Variants in SGCG observed in about 807,000 individuals in gnomAD.
SGCG encodes sarcoglycan gamma.
A neutral mutation model predicts 29.3 loss-of-function variants in SGCG; 26 were observed. The ratio of observed to expected loss-of-function variants is 0.89; its 90% CI spans 0.65 to 1.23. The LOEUF is 1.23. SGCG is among the 50% of genes most tolerant of loss of function. The probability of loss-of-function intolerance (pLI) is 0.00; values close to 1 mark genes in which losing one functional copy is unlikely to be tolerated. For synonymous variants in SGCG, 145 were observed against 129.7 expected (o/e 1.12, Z -0.80); for missense variants, 353 against 356.0 (o/e 0.99, Z 0.07).
At chr13:23,251,732 G>C (rs1879977448) in intron 4 of SGCG, among the ~76,000 whole-genome samples, 1 of 151,922 alleles carries the variant, frequency 6.6e-6, no homozygotes, top group Non-Finnish European at 1.5e-5. Context: ...GAGACCCTTT[G>C]TTTGAAAAAA....
intron 4 of SGCG, among the ~76,000 whole-genome samples, chr13:23,275,566 G>A (rs1045860127): frequency 6.6e-6 from 1 of 151,698 alleles, no homozygotes; most frequent in Non-Finnish European, 1.5e-5. Context: ...TTTTGCATAT[G>A]ATTATCAGGG....
chr13:23,280,803 A>G (rs1341882714), intron 5 of SGCG, among the ~76,000 whole-genome samples: 1 of 152,242 alleles, frequency 6.6e-6, no homozygotes, highest in Non-Finnish European at 1.5e-5. Context: ...AGTTCTTGGT[A>G]GAGTATCATT....
At chr13:23,278,813 G>C (rs1013451670) in intron 4 of SGCG, among the ~76,000 whole-genome samples, 1 of 152,226 alleles carries the variant, frequency 6.6e-6, no homozygotes, top group African/African-American at 2.4e-5. Context: ...AAATGTCTTA[G>C]GGGAAGGGCA....
At chr13:23,223,414 A>T (rs5026267) in intron 2 of SGCG, among the ~76,000 whole-genome samples, 90,598 of 151,934 alleles carry the variant, frequency 0.6, 27,605 homozygotes, top group East Asian at 0.86. Context: ...TGAAAAATTA[A>T]TTTTACATTA....
At chr13:23,251,349 A>G (rs17078538) in intron 4 of SGCG, among the ~76,000 whole-genome samples, 18,651 of 152,264 alleles carry the variant, frequency 0.12, 1,393 homozygotes, top group African/African-American at 0.19. Context: ...TCAGTCAGCT[A>G]TGTACACCCA....
intron 1 of SGCG, among the ~76,000 whole-genome samples, chr13:23,199,565 C>CAATA (rs111813556): frequency 1.3e-5 from 2 of 152,022 alleles, no homozygotes; most frequent in Non-Finnish European, 2.9e-5. Flanking sequence ...GAAATATAAA[C>CAATA]AAATCAACTT....
chr13:23,227,698 G>C (rs1297015519), intron 2 of SGCG, among the ~76,000 whole-genome samples: 1 of 152,160 alleles, frequency 6.6e-6, no homozygotes, highest in Admixed American at 6.5e-5. Flanking sequence ...CACCATCTAT[G>C]TTATGTCCTG....
chr13:23,219,629 C>T (rs1277688684), intron 2 of SGCG, among the ~76,000 whole-genome samples: 3 of 151,906 alleles, frequency 2.0e-5, no homozygotes, highest in African/African-American at 7.3e-5. Context: ...TAAATGTTCT[C>T]ACAACAAAGA....
rs138885060 is a variant in SGCG, at chr13:23,232,659, G to A, written c.196-1952G>A. ...TAGCCAGGCGTGGTGGCAGGCACCT[G>A]TAGTCCCAGCTACTCGGGAGGCTGA... On this transcript the variant is annotated intron_variant, in intron 2 of 7. Transcript: ENST00000218867. Among the ~76,000 whole-genome samples, 1,507 of 152,168 alleles carry A rather than the reference G, an allele frequency of 9.9e-3. 27 individuals carry two copies. The highest frequency in any genetic ancestry group is 0.035 in the African/African-American group (1,438 of 41,530).
intron 5 of SGCG, among the ~76,000 whole-genome samples, chr13:23,295,008 C>A (rs529271289): frequency 1.3e-5 from 2 of 152,262 alleles, no homozygotes; most frequent in South Asian, 4.1e-4. Flanking sequence ...AATATCCTGA[C>A]TACCTTAGAA....
intron 4 of SGCG, among the ~76,000 whole-genome samples, chr13:23,275,142 T>TATATATACATACATACATACATAC (rs1336045794): frequency 7.4e-5 from 11 of 148,016 alleles, no homozygotes; most frequent in African/African-American, 2.5e-4. Flanking sequence ...TATATATATA[T>TATATATACATACATACATACATAC]AGAAATGAGG....
chr13:23,305,005 A>G (rs1463675182), intron 6 of SGCG, among the ~76,000 whole-genome samples: 3 of 151,012 alleles, frequency 2.0e-5, no homozygotes, highest in Admixed American at 6.6e-5. Flanking sequence ...GCTCACACAC[A>G]CACACACACA....
intron 2 of SGCG, among the ~76,000 whole-genome samples, chr13:23,212,735 A>G (rs998985131): frequency 2.4e-4 from 36 of 152,144 alleles, no homozygotes; most frequent in Non-Finnish European, 1.6e-4. Context: ...AGAAATGGAT[A>G]CTGCTAAGCT....
At chr13:23,187,466 C>CT (rs2137473433) in intron 1 of SGCG, among the ~76,000 whole-genome samples, 1 of 152,318 alleles carries the variant, frequency 6.6e-6, no homozygotes, top group East Asian at 1.9e-4. Context: ...CTGCCTGTAG[C>CT]TTTGTCAGCG....
chr13:23,294,630 A>G (rs867609421), intron 5 of SGCG, among the ~76,000 whole-genome samples: 2 of 152,218 alleles, frequency 1.3e-5, no homozygotes, highest in Admixed American at 1.3e-4. Flanking sequence ...ATTACTTTCT[A>G]TCACATATTG....
At chr13:23,251,272 C>T (rs917445844) in intron 4 of SGCG, among the ~76,000 whole-genome samples, 6 of 152,184 alleles carry the variant, frequency 3.9e-5, no homozygotes, top group African/African-American at 1.4e-4. Context: ...TCTTCAATTA[C>T]GCAAATTCTA....
chr13:23,320,611 TTTTG>T lies in SGCG; in HGVS notation c.579-24_579-21del, dbSNP rs769229095. The T allele has an allele frequency of 1.1e-3, 1,596 of 1,466,700 alleles. 1 individual carries two copies. Among genetic ancestry groups the T allele is most frequent in the East Asian group, 1.5e-3 (59 of 39,160 alleles). 90.9% of individuals were successfully genotyped at this position (1,466,700 alleles called of 1,614,324 possible). A position where few individuals can be genotyped will look rare whatever the true frequency, so the allele number is the denominator to read the frequency against. ...TATTTTTAATACTTTTTTTTTTTTT[TTTTG>T]TGCTTCTTTTCCTCATCTCAGATTA... On this transcript the variant is annotated intron_variant, in intron 6 of 7. Transcript: ENST00000218867.
At chr13:23,218,935 A>C (rs1344919897) in intron 2 of SGCG, among the ~76,000 whole-genome samples, 1 of 147,736 alleles carries the variant, frequency 6.8e-6, no homozygotes, top group Non-Finnish European at 1.5e-5. Context: ...TTTAGTATAA[A>C]TATATATTAT....
At chr13:23,166,472 GC>G in the SGCG span, among the ~76,000 whole-genome samples, 2 of 152,176 alleles carry the variant, frequency 1.3e-5, no homozygotes, top group Non-Finnish European at 2.9e-5. Context: ...GGGATTACAG[GC>G]CTGAGCCACC....
Sources: allele counts gnomAD v4.1 joint callset (sites outside exome capture counted in the v4.1 genomes callset), GRCh38; gene constraint gnomAD v4.1.1; transcripts MANE v1.5; gene names NCBI Gene and HGNC (gene_info 2026-07-23, HGNC 2026-07-21).